THAP3: variants seen among roughly 807,000 people sequenced by gnomAD.
The protein encoded by THAP3 is THAP domain containing 3.
In THAP3, 12 loss-of-function variants were observed where a neutral mutation model predicts 17.7. That is an observed-to-expected ratio of 0.68 (90% CI 0.43 to 1.10). The LOEUF is 1.10. THAP3 is among the 50% of genes least tolerant of loss of function. THAP3 has a pLI of 0.00. For synonymous variants in THAP3, 133 were observed against 126.9 expected, an observed-to-expected ratio of 1.05 and a Z score of -0.32; for missense variants, 289 against 318.0, an observed-to-expected ratio of 0.91 and a Z score of 0.69.
Position 6,625,353 on chromosome 1 carries a change from G to A in THAP3, c.74+61G>A, listed in dbSNP as rs568618314. On this transcript the variant is annotated intron_variant, in intron 2 of 5. Transcript: ENST00000054650. ...GACCCGGGGCCCGCGGACCGACTCC[G>A]AGGCCTTGGCGCGCCGGGCGGGAGG... 19 of 1,448,762 alleles carry A rather than the reference G, an allele frequency of 1.3e-5. No homozygotes were observed. The South Asian group carries it at 2.2e-4, about 17-fold the overall frequency. 89.7% of individuals were successfully genotyped at this position (1,448,762 alleles called of 1,614,324 possible). A position where few individuals can be genotyped will look rare whatever the true frequency, so the allele number is the denominator to read the frequency against.
Position 6,632,392 on chromosome 1 carries a change from T to C in THAP3, c.335T>C (p.Val112Ala). 6.2e-7 allele frequency: 1 copy of C among 1,613,306 alleles called. No individual in the cohort carries two copies. The highest frequency in any genetic ancestry group is 8.5e-7 in the Non-Finnish European group (1 of 1,179,886). ...GNASSSQKEK[V>A]LPEAGAGEDS... ...CAGACTTCACCCTGCCGTTCCCAGGTCCTCCCTGAGGCGGGGGCCGGAGAG... is the reference window on the plus strand; with the variant it reads ...CAGACTTCACCCTGCCGTTCCCAGGCCCTCCCTGAGGCGGGGGCCGGAGAG... The change falls in exon 5 of 6, where the codon GTC (valine) becomes GCC (alanine). Residue 112 changes from valine to alanine, a missense_variant and splice_region_variant. Transcript: ENST00000054650.
At chr1:6,632,711 C>G in intron 5 of THAP3, 85 bp from the exon 6 acceptor site, 1 of 1,540,674 alleles carries the variant, frequency 6.5e-7, no homozygotes, top group Non-Finnish European at 8.9e-7. Flanking sequence ...TGGGGTTGTG[C>G]TGTGTGCGTG....
downstream of THAP3, chr1:6,634,258 C>T (rs1355195890): frequency 1.2e-5 from 10 of 857,920 alleles, no homozygotes; most frequent in East Asian, 5.4e-5. Context: ...GAAGCACCTG[C>T]GGCAGAGGCG....
At chr1:6,635,572 T>C (rs1338917801), downstream of THAP3, 5 of 1,208,466 alleles carry the variant, frequency 4.1e-6, no homozygotes, top group Non-Finnish European at 5.9e-6. Flanking sequence ...ATAATAATAA[T>C]ATAAAATAAA....
At chr1:6,634,502 T>C, downstream of THAP3, 1 of 1,348,984 alleles carries the variant, frequency 7.4e-7, no homozygotes, top group African/African-American at 1.5e-5. Flanking sequence ...CCGGCGCAGC[T>C]TGGGGCCCCC....
chr1:6,634,558 G>T (rs1349587120), downstream of THAP3: 1 of 1,365,498 alleles, frequency 7.3e-7, no homozygotes, highest in Non-Finnish European at 9.8e-7. Context: ...TTGCTCCGAG[G>T]GGTCAGCAAG....
downstream of THAP3, chr1:6,634,642 C>A: frequency 7.3e-7 from 1 of 1,366,472 alleles, no homozygotes; most frequent in Non-Finnish European, 9.8e-7. Flanking sequence ...GAGGTCCAGG[C>A]CGTGGAGGGG....
At chr1:6,631,225 C>G (rs189992124) in intron 4 of THAP3, among the ~76,000 whole-genome samples, 54 of 150,718 alleles carry the variant, frequency 3.6e-4, no homozygotes, top group Non-Finnish European at 8.0e-4. Flanking sequence ...CTATCTTGCC[C>G]AGTCTGGTCT....
chr1:6,631,178 ATTT>A (rs35284282), intron 4 of THAP3, among the ~76,000 whole-genome samples: 253 of 140,186 alleles, frequency 1.8e-3, no homozygotes, highest in Non-Finnish European at 2.0e-3. Context: ...CTAATTAAAA[ATTT>A]TTTTTTTTTT....
intron 1 of THAP3, 74 bp from the exon 2 acceptor site, chr1:6,625,076 A>T: frequency 1.1e-6 from 1 of 902,628 alleles, no homozygotes; most frequent in Non-Finnish European, 1.6e-6. Flanking sequence ...GGTGGCTGGG[A>T]TGGCAGGATG....
chr1:6,629,969 C>T (rs529861512), intron 3 of THAP3, among the ~76,000 whole-genome samples: 73 of 152,326 alleles, frequency 4.8e-4, no homozygotes, highest in Non-Finnish European at 8.7e-4. Flanking sequence ...TGGTGAGCTG[C>T]GCTTCTGCTG....
chr1:6,632,351 G>A (rs1050904375), intron 4 of THAP3, 40 bp from the exon 5 acceptor site: 8 of 1,610,210 alleles, frequency 5.0e-6, no homozygotes, highest in Non-Finnish European at 6.8e-6. Context: ...GGCCCTGCAT[G>A]TGCAGGGCTG....
At chr1:6,629,840 G>T (rs1187069450) in intron 3 of THAP3, 1 of 183,752 alleles carries the variant, frequency 5.4e-6, no homozygotes, top group Non-Finnish European at 1.2e-5. Context: ...GTAGCCCTCG[G>T]TGCTTCCAGT....
chr1:6,627,360 A>G (rs543993341), intron 2 of THAP3, among the ~76,000 whole-genome samples: 136 of 152,200 alleles, frequency 8.9e-4, no homozygotes, highest in Non-Finnish European at 1.7e-3. Context: ...AACTCCTGAC[A>G]TAAAAAACAA....
Position 6,630,276 on chromosome 1 carries a change from T to C in THAP3, c.268-12T>C, listed in dbSNP as rs771407794. On this transcript the variant is annotated splice_polypyrimidine_tract_variant and intron_variant, in intron 3 of 5. Coordinates refer to ENST00000054650, the MANE Select transcript of THAP3 (RefSeq NM_001195753.2). Reference sequence around the variant, plus strand: ...TTGGGGTCTGCATCCACTCTGTGTGTGTCTCTTGTAGCAGGTGAGGGAGAA... The same window carrying C: ...TTGGGGTCTGCATCCACTCTGTGTGCGTCTCTTGTAGCAGGTGAGGGAGAA... 3.1e-6 allele frequency: 5 copies of C among 1,613,790 alleles called. No individual in the cohort carries two copies. The African/African-American group carries it at 6.7e-5, about 22-fold the overall frequency.
At chr1:6,632,737 ACCATGG>A in intron 5 of THAP3, 53 bp from the exon 6 acceptor site, 1 of 1,600,618 alleles carries the variant, frequency 6.2e-7, no homozygotes. Context: ...TGGCCTGCTC[ACCATGG>A]CCCGCCTTCC....
At chr1:6,634,407 A>G, downstream of THAP3, 1 of 1,229,264 alleles carries the variant, frequency 8.1e-7, no homozygotes, top group Non-Finnish European at 1.1e-6. Flanking sequence ...TCAAAACCAG[A>G]GGAAGGAGGT....
chr1:6,628,524 C>G lies in THAP3; in HGVS notation c.100C>G (p.Leu34Val), dbSNP rs763381183. 3.7e-6 allele frequency: 6 copies of G among 1,613,530 alleles called. No individual in the cohort carries two copies. The highest frequency in any genetic ancestry group is 5.1e-6 in the Non-Finnish European group (6 of 1,179,880). The change falls in exon 3 of 6, where the codon CTG becomes GTG. Residue 34 changes from leucine (L) to valine (V), a missense_variant. Coordinates refer to ENST00000054650, the MANE Select transcript of THAP3 (RefSeq NM_001195753.2). Reference sequence around the variant, plus strand: ...GTTTCCGTTCAGCCGCCCGGAGCTGCTGAAGGAATGGGTGCTGAACATCGG... The same window carrying G: ...GTTTCCGTTCAGCCGCCCGGAGCTGGTGAAGGAATGGGTGCTGAACATCGG... The part of the protein sequence containing the change: ...HRFPFSRPEL[L>V]KEWVLNIGRG...
Position 6,633,097 on chromosome 1 carries a change from C to G in THAP3, c.*20C>G. On this transcript the variant is annotated 3_prime_UTR_variant, in exon 6 of 6. Transcript: ENST00000054650. ...AGCTGAGCCCCACAGGCTCCGGACG[C>G]AGAGGTGGCAGTGGCACCAGGGCCG... 2 of 1,577,764 alleles carry G rather than the reference C, an allele frequency of 1.3e-6. No homozygotes were observed. Among genetic ancestry groups the G allele is most frequent in the Non-Finnish European group, 1.7e-6 (2 of 1,162,850 alleles).
Sources: allele counts gnomAD v4.1 joint callset (sites outside exome capture counted in the v4.1 genomes callset), GRCh38; gene constraint gnomAD v4.1.1; transcripts MANE v1.5; gene names NCBI Gene and HGNC (gene_info 2026-07-23, HGNC 2026-07-21).